The following DSCAM variants were observed in gnomAD, a reference collection of about 807,000 sequenced individuals.
The protein encoded by DSCAM is DS cell adhesion molecule, also known as cell adhesion molecule DSCAM.
DSCAM carries 47 observed loss-of-function variants against 217.7 expected under a neutral mutation model. The observed-to-expected ratio is 0.22, with a 90% CI of 0.17 to 0.28. The LOEUF is 0.28. DSCAM is among the 10% of genes least tolerant of loss of function. The probability of loss-of-function intolerance (pLI) is 1.00; values close to 1 mark genes in which losing one functional copy is unlikely to be tolerated. For synonymous variants in DSCAM, 1,056 were observed against 1,015.3 expected, an observed-to-expected ratio of 1.04 and a Z score of -0.76; for missense variants, 2,080 against 2,618.3, an observed-to-expected ratio of 0.79 and a Z score of 4.49.
In DSCAM at chr21:40,144,566, G is replaced by C; in HGVS notation, c.3184C>G (p.Leu1062Val). Residue 1062 changes from leucine to valine, a missense_variant, in exon 17 of 33, where the codon CTG becomes GTG. Around this residue, in one of 5 missense-constraint regions of DSCAM, gnomAD observed 1,144 missense variants for 1,421.1 expected, o/e 0.81. Coordinates refer to ENST00000400454, the MANE Select transcript of DSCAM (RefSeq NM_001389.5). The surrounding 1 kb of genome is among the most constrained non-coding windows in gnomAD (Gnocchi z 4.8). ...GCCCGGTTACAGGCCTGCACCACCA[G>C]GCCGTACTGAGTGAACTTATTCAGG... ...DNLNKFTQYG[L>V]VVQACNRAGT... 6.2e-7 allele frequency: 1 copy of C among 1,614,188 alleles called. No individual in the cohort carries two copies. The highest frequency in any genetic ancestry group is 1.7e-5 in the Admixed American group (1 of 60,028).
chr21:40,559,196 A>C (rs1330530862), intron 3 of DSCAM, among the ~76,000 whole-genome samples: 1 of 152,012 alleles, frequency 6.6e-6, no homozygotes, highest in Non-Finnish European at 1.5e-5. Flanking sequence ...CGGTGGCTCA[A>C]GCCTGTAATC....
chr21:40,481,031 G>T (rs1355248775), intron 3 of DSCAM, among the ~76,000 whole-genome samples: 2 of 152,204 alleles, frequency 1.3e-5, no homozygotes, highest in Non-Finnish European at 2.9e-5. Flanking sequence ...CAGCTAGAAG[G>T]CCCGCACCAG....
intron 11 of DSCAM, among the ~76,000 whole-genome samples, chr21:40,225,719 C>T (rs145322360): frequency 1.7e-3 from 259 of 152,252 alleles, no homozygotes; most frequent in South Asian, 7.3e-3. Flanking sequence ...GGGGTCCACA[C>T]GATCTTTGTT....
At chr21:40,308,696 T>G (rs936359349) in intron 9 of DSCAM, among the ~76,000 whole-genome samples, 4 of 152,232 alleles carry the variant, frequency 2.6e-5, no homozygotes, top group African/African-American at 9.6e-5. Context: ...GGGGTGAATT[T>G]GGAACTGACT....
At chr21:40,442,974 G>A (rs551485424) in intron 3 of DSCAM, among the ~76,000 whole-genome samples, 1 of 152,322 alleles carries the variant, frequency 6.6e-6, no homozygotes, top group African/African-American at 2.4e-5. Flanking sequence ...CAAAATAGCA[G>A]AGGAGAGAGT....
At chr21:40,475,550 T>C (rs1369892028) in intron 3 of DSCAM, among the ~76,000 whole-genome samples, 2 of 152,182 alleles carry the variant, frequency 1.3e-5, no homozygotes, top group Non-Finnish European at 1.5e-5. Context: ...GACTTTCCCA[T>C]ACAAAATGGT....
At chr21:40,655,140 T>A (rs1171161339) in intron 3 of DSCAM, among the ~76,000 whole-genome samples, 1 of 152,128 alleles carries the variant, frequency 6.6e-6, no homozygotes. Context: ...CATGCACCCA[T>A]CTTGACAGCA....
intron 3 of DSCAM, among the ~76,000 whole-genome samples, chr21:40,583,801 C>G: frequency 6.6e-6 from 1 of 151,128 alleles, no homozygotes; most frequent in Admixed American, 6.6e-5. Context: ...ATGCTGATAA[C>G]AAGGGAGGCT....
At chr21:40,145,451 C>T (rs2090343263) in intron 16 of DSCAM, among the ~76,000 whole-genome samples, 1 of 152,108 alleles carries the variant, frequency 6.6e-6, no homozygotes, top group Non-Finnish European at 1.5e-5. Context: ...AAGAGAGAGG[C>T]TGGTGCTAAC....
Position 40,253,737 on chromosome 21 carries a change from C to T in DSCAM, c.2356+22360G>A, listed in dbSNP as rs539978634. Among the ~76,000 whole-genome samples the T allele has an allele frequency of 1.5e-4, 23 of 152,378 alleles. 1 individual carries two copies. Among genetic ancestry groups the T allele is most frequent in the South Asian group, 4.1e-4 (2 of 4,832 alleles). On this transcript the variant is annotated intron_variant, in intron 11 of 32. Coordinates refer to ENST00000400454, the MANE Select transcript of DSCAM (RefSeq NM_001389.5). The stretch of plus-strand genomic sequence containing the variant: ...TTCCTGGTTGGTGAATATATGGGTA[C>T]GCCCGGAGGGCGGCACAACCCAGAT...
chr21:40,347,074 G>A (rs574951302), intron 6 of DSCAM, among the ~76,000 whole-genome samples: 1 of 152,234 alleles, frequency 6.6e-6, no homozygotes, highest in Non-Finnish European at 1.5e-5. Flanking sequence ...GCCGAGGCGG[G>A]CAGATCACCT....
intron 9 of DSCAM, among the ~76,000 whole-genome samples, chr21:40,301,721 A>T (rs962181648): frequency 1.4e-5 from 2 of 142,916 alleles, no homozygotes; most frequent in Non-Finnish European, 3.0e-5. Context: ...CACAGCACAG[A>T]TCTGCAGTAC....
chr21:40,652,521 C>T (rs913112180), intron 3 of DSCAM, among the ~76,000 whole-genome samples: 1 of 152,100 alleles, frequency 6.6e-6, no homozygotes, highest in Non-Finnish European at 1.5e-5. Context: ...TGGCTAACAG[C>T]AGAGAAGCCC....
intron 1 of DSCAM, among the ~76,000 whole-genome samples, chr21:40,737,577 G>A (rs554956267): frequency 4.7e-4 from 71 of 152,296 alleles, no homozygotes; most frequent in African/African-American, 1.7e-3. Flanking sequence ...GGGGGCAAAG[G>A]TTGCAGTGAG....
At chr21:40,565,429 C>G (rs1268650719) in intron 3 of DSCAM, among the ~76,000 whole-genome samples, 1 of 152,132 alleles carries the variant, frequency 6.6e-6, no homozygotes, top group Non-Finnish European at 1.5e-5. Flanking sequence ...CTAATCTCAA[C>G]CAAAGAATGC....
At chr21:40,830,881 C>T (rs552048309) in intron 1 of DSCAM, among the ~76,000 whole-genome samples, 49 of 152,296 alleles carry the variant, frequency 3.2e-4, no homozygotes, top group Non-Finnish European at 6.5e-4. Flanking sequence ...GCTGCTTAGG[C>T]CACAGACAAG....
intron 1 of DSCAM, among the ~76,000 whole-genome samples, chr21:40,750,123 T>C (rs1475702769): frequency 6.6e-6 from 1 of 152,078 alleles, no homozygotes; most frequent in Non-Finnish European, 1.5e-5. Context: ...AGATGGAGTT[T>C]CACCATGTTG....
chr21:40,277,661 T>C (rs553152227), intron 10 of DSCAM, among the ~76,000 whole-genome samples: 9 of 145,958 alleles, frequency 6.2e-5, no homozygotes, highest in Non-Finnish European at 1.2e-4. Context: ...TGAGATGTAG[T>C]CTTGCTCTCT....
rs370349823 is a variant in DSCAM at position 40,560,723 on chromosome 21, A to C, written c.508+132087T>G. Among the ~76,000 whole-genome samples, 6 of 152,330 alleles carry C rather than the reference A, an allele frequency of 3.9e-5. No homozygotes were observed. In the East Asian group the frequency reaches 1.2e-3, roughly 29 times the overall value. ...CACATCCAAAAAAAGCTGGCAACAC[A>C]ATGCATTGTAGAGTACCGGTTGTTT... On this transcript the variant is annotated intron_variant, in intron 3 of 32. Transcript: ENST00000400454.
Sources: allele counts gnomAD v4.1 joint callset (sites outside exome capture counted in the v4.1 genomes callset), GRCh38; gene constraint gnomAD v4.1.1; regional missense constraint gnomAD v4.1.1; non-coding constraint Gnocchi (gnomAD v3.1); transcripts MANE v1.5; gene names NCBI Gene and HGNC (gene_info 2026-07-23, HGNC 2026-07-21).